IGF2BP3: variants seen among roughly 807,000 people sequenced by gnomAD.
IGF2BP3 encodes the protein insulin-like growth factor 2 mRNA-binding protein 3.
IGF2BP3 carries 9 observed loss-of-function variants against 73.8 expected under a neutral mutation model. That is an observed-to-expected ratio of 0.12 (90% CI 0.07 to 0.21). The LOEUF (loss-of-function observed/expected upper bound fraction) is 0.21. Ranked by LOEUF, IGF2BP3 falls within the 10% of genes least tolerant of loss-of-function variation. The probability of loss-of-function intolerance (pLI) is 1.00; values close to 1 mark genes in which losing one functional copy is unlikely to be tolerated. For missense variants in IGF2BP3, 542 were observed against 714.0 expected, an observed-to-expected ratio of 0.76 and a Z score of 2.75; for synonymous variants, 258 against 256.7, an observed-to-expected ratio of 1.01 and a Z score of -0.05.
At chr7:23,462,488 C>T (rs1476556506) in intron 2 of IGF2BP3, among the ~76,000 whole-genome samples, 2 of 152,008 alleles carry the variant, frequency 1.3e-5, no homozygotes, top group Non-Finnish European at 2.9e-5. Context: ...CAGCCTACCG[C>T]GTAGCTGGGA....
intron 6 of IGF2BP3, among the ~76,000 whole-genome samples, chr7:23,349,638 C>T (rs564244854): frequency 1.3e-5 from 2 of 152,236 alleles, no homozygotes; most frequent in South Asian, 2.1e-4. Flanking sequence ...ATTCCAGAAA[C>T]GAGGTTCTGA....
At chr7:23,357,854 T>C (rs1785133901) in intron 5 of IGF2BP3, among the ~76,000 whole-genome samples, 1 of 152,216 alleles carries the variant, frequency 6.6e-6, no homozygotes, top group Admixed American at 6.5e-5. Flanking sequence ...ACAGCCGTAT[T>C]TGAGGACTCT....
intron 3 of IGF2BP3, among the ~76,000 whole-genome samples, chr7:23,412,250 T>C (rs1787047855): frequency 6.6e-6 from 1 of 152,176 alleles, no homozygotes; most frequent in Non-Finnish European, 1.5e-5. Flanking sequence ...CCCAAAGTGC[T>C]GGGATTACAG....
At chr7:23,334,531 C>T (rs1454275114) in intron 10 of IGF2BP3, among the ~76,000 whole-genome samples, 3 of 152,194 alleles carry the variant, frequency 2.0e-5, no homozygotes, top group Non-Finnish European at 4.4e-5. Flanking sequence ...TAGCGTTACC[C>T]AGTCTTGTTA....
chr7:23,461,050 C>A (rs79896768), intron 2 of IGF2BP3, among the ~76,000 whole-genome samples: 3,258 of 152,152 alleles, frequency 0.021, 46 homozygotes, highest in Non-Finnish European at 0.033. Flanking sequence ...ATTTGTAAAT[C>A]GTTCTCCTTC....
chr7:23,321,846 A>C (rs2128493780), intron 10 of IGF2BP3, among the ~76,000 whole-genome samples: 2 of 152,296 alleles, frequency 1.3e-5, no homozygotes, highest in African/African-American at 4.8e-5. Flanking sequence ...ACTCCAACAG[A>C]CCTGCAGCTG....
At chr7:23,358,393 T>C (rs1333079342) in intron 5 of IGF2BP3, among the ~76,000 whole-genome samples, 1 of 151,980 alleles carries the variant, frequency 6.6e-6, no homozygotes, top group Non-Finnish European at 1.5e-5. Flanking sequence ...CCGAGAAACA[T>C]GGAGAAATGA....
At chr7:23,419,215 A>G (rs1179998535) in intron 2 of IGF2BP3, among the ~76,000 whole-genome samples, 1 of 152,234 alleles carries the variant, frequency 6.6e-6, no homozygotes, top group Non-Finnish European at 1.5e-5. Context: ...GTCCATGGAT[A>G]AAATTCAGGG....
chr7:23,383,991 G>T (rs1359693089), intron 3 of IGF2BP3, among the ~76,000 whole-genome samples: 2 of 151,188 alleles, frequency 1.3e-5, no homozygotes, highest in Non-Finnish European at 2.9e-5. Context: ...AGCTACTCGG[G>T]AGGCTGAGGC....
intron 2 of IGF2BP3, among the ~76,000 whole-genome samples, chr7:23,433,976 G>A (rs1398673803): frequency 6.6e-6 from 1 of 151,962 alleles, no homozygotes; most frequent in Non-Finnish European, 1.5e-5. Flanking sequence ...TACTTGGGAG[G>A]CTGGGGCAAG....
chr7:23,439,854 C>T (rs1278934090), intron 2 of IGF2BP3, among the ~76,000 whole-genome samples: 1 of 152,206 alleles, frequency 6.6e-6, no homozygotes, highest in East Asian at 1.9e-4. Context: ...GCATAGTACT[C>T]ACACTCAACA....
At chr7:23,429,455 GCCACAGATTCTATCCTCCTAACCATA>G (rs1390523316) in intron 2 of IGF2BP3, among the ~76,000 whole-genome samples, 1 of 152,096 alleles carries the variant, frequency 6.6e-6, no homozygotes, top group Non-Finnish European at 1.5e-5. Context: ...GAGCATTCTG[GCCACAGATTCTATCCTCCTAACCATA>G]CTCTAGTCGG....
intron 10 of IGF2BP3, among the ~76,000 whole-genome samples, chr7:23,329,310 C>T (rs572266068): frequency 1.3e-5 from 2 of 152,154 alleles, no homozygotes; most frequent in Non-Finnish European, 2.9e-5. Context: ...CTCAAACGTC[C>T]CTACTGCATT....
At chr7:23,446,548 C>T (rs758994421) in intron 2 of IGF2BP3, among the ~76,000 whole-genome samples, 5 of 152,072 alleles carry the variant, frequency 3.3e-5, no homozygotes, top group Non-Finnish European at 7.4e-5. Context: ...CAGAGCAAGA[C>T]TCCATCTTGA....
At chr7:23,373,336 T>C (rs1785615800) in intron 3 of IGF2BP3, among the ~76,000 whole-genome samples, 1 of 152,190 alleles carries the variant, frequency 6.6e-6, no homozygotes, top group African/African-American at 2.4e-5. Context: ...CCCCAACCCC[T>C]AGAAGAAACC....
intron 2 of IGF2BP3, among the ~76,000 whole-genome samples, chr7:23,420,742 C>T (rs897951211): frequency 6.6e-6 from 1 of 152,112 alleles, no homozygotes; most frequent in Non-Finnish European, 1.5e-5. Context: ...TACATCCTGT[C>T]TACAATCATA....
chr7:23,445,107 G>A (rs910364158), intron 2 of IGF2BP3, among the ~76,000 whole-genome samples: 4 of 152,110 alleles, frequency 2.6e-5, no homozygotes, highest in South Asian at 2.1e-4. Context: ...GTGCTAAGTC[G>A]TATTTTTTCT....
chr7:23,436,805 C>T (rs1787817402), intron 2 of IGF2BP3, among the ~76,000 whole-genome samples: 1 of 152,122 alleles, frequency 6.6e-6, no homozygotes, highest in Non-Finnish European at 1.5e-5. Context: ...GCTGCAGTAA[C>T]TATAGTATAA....
chr7:23,381,037 T>C (rs1325257553), intron 3 of IGF2BP3, among the ~76,000 whole-genome samples: 1 of 152,224 alleles, frequency 6.6e-6, no homozygotes, highest in Non-Finnish European at 1.5e-5. Context: ...GCCATTCACT[T>C]GTCCATGTCT....
Sources: allele counts gnomAD v4.1 joint callset (sites outside exome capture counted in the v4.1 genomes callset), GRCh38; gene constraint gnomAD v4.1.1; transcripts MANE v1.5; gene names NCBI Gene and HGNC (gene_info 2026-07-23, HGNC 2026-07-21).